The following ZNF516 variants were observed in gnomAD, a reference collection of about 807,000 sequenced individuals.
ZNF516 encodes the protein zinc finger protein 516.
Under a neutral mutation model 79.7 loss-of-function variants are expected in ZNF516, and 19 were observed. The ratio of observed to expected loss-of-function variants is 0.24; its 90% CI spans 0.17 to 0.35. The LOEUF (loss-of-function observed/expected upper bound fraction) is 0.35, where lower values mean the gene tolerates loss of function less well. Ranked by LOEUF, ZNF516 falls within the 10% of genes least tolerant of loss-of-function variation. The pLI, the probability that ZNF516 is intolerant of heterozygous loss-of-function variation, is 1.00. For synonymous variants in ZNF516, 877 were observed against 739.5 expected (o/e 1.19, Z -3.02); for missense variants, 1,678 against 1,679.5 (o/e 1.00, Z 0.02).
Position 76,442,392 on chromosome 18 carries a change from C to T in ZNF516, c.663G>A (p.Arg221=), listed in dbSNP as rs1911737420. 1.2e-6 allele frequency: 2 copies of T among 1,608,364 alleles called. No homozygotes were observed. Among genetic ancestry groups the T allele is most frequent in the African/African-American group, 1.3e-5 (1 of 74,928 alleles). ...REESLLSHIE[R]DHITAQGPGS... ...CGGGCCCCTGCGCGGTGATGTGGTCCCTCTCGATGTGGCTCAGCAGCGACT... is the reference window on the plus strand; with the variant it reads ...CGGGCCCCTGCGCGGTGATGTGGTCTCTCTCGATGTGGCTCAGCAGCGACT... The change falls in exon 3 of 7, where the codon AGG becomes AGA. Residue 221 remains arginine (R), a synonymous_variant. Transcript: ENST00000443185.
At chr18:76,479,429 G>C (rs113204754) in intron 1 of ZNF516, among the ~76,000 whole-genome samples, 1 of 152,222 alleles carries the variant, frequency 6.6e-6, no homozygotes, top group African/African-American at 2.4e-5. Context: ...TGCCTGCTCT[G>C]TGAGTGATCC....
rs112589133 is a variant in ZNF516, at chr18:76,477,528, G to A, written c.-271-14387C>T. ...ACACATGGGACAAAAGGCGAGATTC[G>A]TTCTGTCCGGGGAAAAACAAGGTCA... On this transcript the variant is annotated intron_variant, in intron 1 of 6. Coordinates refer to ENST00000443185, the MANE Select transcript of ZNF516 (RefSeq NM_014643.4). Among the ~76,000 whole-genome samples the A allele has an allele frequency of 6.1e-4, 93 of 152,280 alleles. 2 individuals carry two copies. The South Asian group carries it at 0.018, about 29-fold the overall frequency.
At chr18:76,388,359 T>A (rs1286322288) in intron 3 of ZNF516, 1 of 152,242 alleles carries the variant, frequency 6.6e-6, no homozygotes, top group South Asian at 2.1e-4. Flanking sequence ...GACACTACCA[T>A]GGGGCCAACG....
At chr18:76,404,435 G>T (rs2075273314) in intron 3 of ZNF516, among the ~76,000 whole-genome samples, 2 of 152,018 alleles carry the variant, frequency 1.3e-5, no homozygotes, top group Non-Finnish European at 2.9e-5. Flanking sequence ...GTGTGCACGT[G>T]TAAGAGTGTG....
At chr18:76,364,474 CG>C in intron 6 of ZNF516, among the ~76,000 whole-genome samples, 1 of 152,178 alleles carries the variant, frequency 6.6e-6, no homozygotes, top group Non-Finnish European at 1.5e-5. Context: ...GAGAAGCTTT[CG>C]GAAGATTTCG....
intron 2 of ZNF516, among the ~76,000 whole-genome samples, chr18:76,456,612 T>C (rs1359184683): frequency 1.3e-5 from 2 of 152,162 alleles, no homozygotes; most frequent in African/African-American, 2.4e-5. Flanking sequence ...GGAATGTGTG[T>C]GTGGCTCATC....
At chr18:76,478,169 T>C (rs1387607463) in intron 1 of ZNF516, among the ~76,000 whole-genome samples, 1 of 152,168 alleles carries the variant, frequency 6.6e-6, no homozygotes, top group Admixed American at 6.5e-5. Flanking sequence ...GAGTGACAGA[T>C]TCATAAAGAG....
intron 3 of ZNF516, among the ~76,000 whole-genome samples, chr18:76,423,796 CAT>C (rs199587391): frequency 1.4e-5 from 2 of 147,018 alleles, no homozygotes; most frequent in Non-Finnish European, 1.5e-5. Context: ...AAGGTTCCCC[CAT>C]GAAACACACG....
chr18:76,401,005 A>G (rs1319253765), intron 3 of ZNF516, among the ~76,000 whole-genome samples: 2 of 152,176 alleles, frequency 1.3e-5, no homozygotes, highest in Non-Finnish European at 1.5e-5. Flanking sequence ...TTCAGACTTC[A>G]TTCCTTCGTT....
At position 76,365,454 on chromosome 18, in the gene ZNF516, C is replaced by A. The variant is rs942519975; in HGVS notation, c.3433-2897G>T. Among the ~76,000 whole-genome samples the A allele has an allele frequency of 2.6e-5, 4 of 152,220 alleles. No individual in the cohort carries two copies. In the East Asian group the frequency reaches 7.7e-4, roughly 29 times the overall value. On this transcript the variant is annotated intron_variant, in intron 6 of 6. Coordinates refer to ENST00000443185, the MANE Select transcript of ZNF516 (RefSeq NM_014643.4). ...TTTCTCTGCAACACTAAAGAAACTT[C>A]CTAGTTTTTCCTCTAACATCCACAG...
intron 2 of ZNF516, among the ~76,000 whole-genome samples, chr18:76,456,967 AC>A (rs2145643999): frequency 1.3e-5 from 2 of 152,346 alleles, no homozygotes; most frequent in African/African-American, 4.8e-5. Context: ...ACGCACAGGT[AC>A]CACCTGTTTT....
chr18:76,478,805 C>T (rs866812536), intron 1 of ZNF516, among the ~76,000 whole-genome samples: 9 of 152,134 alleles, frequency 5.9e-5, no homozygotes, highest in South Asian at 4.1e-4. Flanking sequence ...CCTGTAATCC[C>T]GGCACTGTAA....
intron 3 of ZNF516, among the ~76,000 whole-genome samples, chr18:76,424,586 G>A (rs1211047799): frequency 5.1e-5 from 6 of 116,516 alleles, no homozygotes; most frequent in Non-Finnish European, 6.9e-5. Context: ...CGAAACACAC[G>A]CAGGTGAAAA....
At chr18:76,427,912 A>G (rs2075615830) in intron 3 of ZNF516, among the ~76,000 whole-genome samples, 1 of 152,214 alleles carries the variant, frequency 6.6e-6, no homozygotes, top group South Asian at 2.1e-4. Flanking sequence ...AAAATATACC[A>G]CTTTTTTTGT....
Position 76,441,402 on chromosome 18 carries a change from C to A in ZNF516, c.1653G>T (p.Ala551=), listed in dbSNP as rs753884582. 14 of 1,608,882 alleles carry A rather than the reference C, an allele frequency of 8.7e-6. No individual in the cohort carries two copies. Among genetic ancestry groups the A allele is most frequent in the African/African-American group, 1.3e-5 (1 of 74,818 alleles). ...TGAGTGATCCGCAGCGGGCCCGCGC[C>A]GCCCTGTCCCCGTCACTGTCCCTCT... ...RRERDSDGDR[A]ARARCGSLSE... The change falls in exon 3 of 7, where the codon GCG becomes GCT. Residue 551 remains alanine, a synonymous_variant. Coordinates refer to ENST00000443185, the MANE Select transcript of ZNF516 (RefSeq NM_014643.4).
chr18:76,425,047 C>T (rs2075575283), intron 3 of ZNF516, among the ~76,000 whole-genome samples: 1 of 151,896 alleles, frequency 6.6e-6, no homozygotes, highest in African/African-American at 2.4e-5. Context: ...CACACACACG[C>T]AGGTGAAAAG....
At chr18:76,422,180 G>A (rs1401206559) in intron 3 of ZNF516, among the ~76,000 whole-genome samples, 1 of 152,180 alleles carries the variant, frequency 6.6e-6, no homozygotes, top group Non-Finnish European at 1.5e-5. Context: ...AGATGTGGAG[G>A]ACAAGCACTA....
chr18:76,408,902 G>C (rs2145284279), intron 3 of ZNF516, among the ~76,000 whole-genome samples: 1 of 152,314 alleles, frequency 6.6e-6, no homozygotes, highest in Non-Finnish European at 1.5e-5. Context: ...ACACTGACGA[G>C]AGCGCTGCTA....
At chr18:76,473,903 T>TGTGTGGGGGG (rs58634236) in intron 1 of ZNF516, among the ~76,000 whole-genome samples, 1 of 54,170 alleles carries the variant, frequency 1.8e-5, no homozygotes, top group Non-Finnish European at 3.2e-5. Flanking sequence ...TGTTTTTGTG[T>TGTGTGGGGGG]GGGGGGGGGG....
Sources: gnomAD v4.1 joint callset for allele counts (sites outside exome capture counted in the v4.1 genomes callset) on GRCh38, gnomAD v4.1.1 for gene constraint, MANE v1.5 for transcripts, NCBI Gene and HGNC (gene_info 2026-07-23, HGNC 2026-07-21) for gene names.